EIF2AK4: variants seen among roughly 807,000 people sequenced by gnomAD.
The protein encoded by EIF2AK4 is eukaryotic translation initiation factor 2 alpha kinase 4.
A neutral mutation model predicts 211.1 loss-of-function variants in EIF2AK4; 139 were observed. The ratio of observed to expected loss-of-function variants is 0.66; its 90% CI spans 0.57 to 0.76. The LOEUF is 0.76. Among genes scored for constraint, EIF2AK4 ranks in the 30% least tolerant of loss-of-function variants. EIF2AK4 has a pLI of 0.00. For missense variants in EIF2AK4, 1,664 were observed against 2,043.8 expected (o/e 0.81, Z 3.58); for synonymous variants, 710 against 751.3 (o/e 0.94, Z 0.90).
intron 27 of EIF2AK4, among the ~76,000 whole-genome samples, chr15:40,013,788 C>T (rs1027397075): frequency 6.6e-6 from 1 of 152,214 alleles, no homozygotes; most frequent in Non-Finnish European, 1.5e-5. Flanking sequence ...CCATATCATT[C>T]TACCCATGGC....
chr15:39,972,866 G>C (rs1205195808), intron 9 of EIF2AK4, 42 bp from the exon 10 acceptor site: 1 of 1,523,360 alleles, frequency 6.6e-7, no homozygotes, highest in Admixed American at 1.7e-5. Context: ...GTTTAGCACT[G>C]ATTGTTTGTG....
chr15:39,960,594 G>A (rs1485509797), intron 6 of EIF2AK4, among the ~76,000 whole-genome samples: 2 of 152,162 alleles, frequency 1.3e-5, no homozygotes, highest in African/African-American at 4.8e-5. Context: ...AGGAAGTGCA[G>A]TAATGTGACT....
chr15:39,964,884 C>T (rs2034521767), intron 7 of EIF2AK4, among the ~76,000 whole-genome samples: 2 of 152,188 alleles, frequency 1.3e-5, no homozygotes. Context: ...TTTGTATTTA[C>T]TGAGCATATT....
rs1274446403 is a variant in EIF2AK4 at position 39,973,755 on chromosome 15, G to A, written c.1818+6G>A. Reference sequence around the variant, plus strand: ...CTTTTGGAGCTGTCATCAAGGTGTGGTACAGAGTCATTCCCAGTCCCCTTT... The same window carrying A: ...CTTTTGGAGCTGTCATCAAGGTGTGATACAGAGTCATTCCCAGTCCCCTTT... On this transcript the variant is annotated splice_donor_region_variant and intron_variant, in intron 11 of 38. Coordinates refer to ENST00000263791, the MANE Select transcript of EIF2AK4 (RefSeq NM_001013703.4). The A allele has an allele frequency of 1.2e-6, 2 of 1,613,952 alleles. No homozygotes were observed. Among genetic ancestry groups the A allele is most frequent in the South Asian group, 2.2e-5 (2 of 91,060 alleles).
chr15:40,028,965 C>G (rs1197421412), intron 33 of EIF2AK4, among the ~76,000 whole-genome samples: 2 of 152,218 alleles, frequency 1.3e-5, no homozygotes, highest in Non-Finnish European at 2.9e-5. Context: ...GAAAGAACAT[C>G]CATTCACGGC....
At chr15:40,023,092 C>G (rs2035416223) in intron 32 of EIF2AK4, among the ~76,000 whole-genome samples, 1 of 152,168 alleles carries the variant, frequency 6.6e-6, no homozygotes, top group South Asian at 2.1e-4. Flanking sequence ...TTCATTAAAG[C>G]TTTAAAAAGC....
At chr15:39,947,259 T>G (rs72729460) in intron 3 of EIF2AK4, among the ~76,000 whole-genome samples, 13,430 of 152,270 alleles carry the variant, frequency 0.088, 765 homozygotes, top group Middle Eastern at 0.23. Flanking sequence ...AAATAGAGTA[T>G]AATTAGGTAC....
chr15:40,034,547 G>A (rs1416752626), intron 38 of EIF2AK4, 103 bp downstream of exon 38: 2 of 854,284 alleles, frequency 2.3e-6, no homozygotes, highest in African/African-American at 3.4e-5. Flanking sequence ...TTGACGCCTG[G>A]TAAGCTGTTC....
At chr15:40,002,169 G>T (rs917290655) in intron 21 of EIF2AK4, among the ~76,000 whole-genome samples, 1 of 152,120 alleles carries the variant, frequency 6.6e-6, no homozygotes, top group Non-Finnish European at 1.5e-5. Context: ...ATTATAGAAA[G>T]ATATTTGCAG....
chr15:40,029,533 G>T, intron 34 of EIF2AK4, 69 bp downstream of exon 34: 1 of 1,479,286 alleles, frequency 6.8e-7, no homozygotes, highest in Non-Finnish European at 9.2e-7. Flanking sequence ...TATTACTGTA[G>T]CTAACTGCTT....
At chr15:40,004,908 G>T (rs1046519462) in intron 23 of EIF2AK4, among the ~76,000 whole-genome samples, 2 of 152,026 alleles carry the variant, frequency 1.3e-5, no homozygotes, top group Non-Finnish European at 2.9e-5. Context: ...TGTATAAGAT[G>T]AAAATACAGT....
chr15:39,993,150 GTCCATCCACCCGTCCATCCACCCA>G (rs1402767268), intron 18 of EIF2AK4, among the ~76,000 whole-genome samples: 4 of 131,488 alleles, frequency 3.0e-5, no homozygotes, highest in African/African-American at 1.2e-4. Context: ...CCATCCACCT[GTCCATCCACCCGTCCATCCACCCA>G]TCCATCCACT....
chr15:39,993,242 A>G (rs1416940044), intron 18 of EIF2AK4, among the ~76,000 whole-genome samples: 2 of 152,154 alleles, frequency 1.3e-5, no homozygotes, highest in African/African-American at 2.4e-5. Flanking sequence ...CCATCCATCC[A>G]TCCAAAGAAT....
intron 25 of EIF2AK4, among the ~76,000 whole-genome samples, chr15:40,008,714 G>C (rs948001733): frequency 1.3e-5 from 2 of 152,136 alleles, no homozygotes; most frequent in Non-Finnish European, 2.9e-5. Flanking sequence ...TCCCCAGGAA[G>C]CCTCACTGCA....
Position 40,016,411 on chromosome 15 carries a change from T to G in EIF2AK4, c.3760-91T>G, listed in dbSNP as rs1379454408. 4.1e-6 allele frequency: 6 copies of G among 1,454,498 alleles called. No homozygotes were observed. In the African/African-American group the frequency reaches 5.7e-5, roughly 14 times the overall value. The allele number at this position is 1,454,498 out of a possible 1,614,324, so 90.1% of individuals were successfully genotyped here. ...ACAAAGATAATCGTAGCATCCCATG[T>G]GCTCCTGCTCCTGCAGGTGCACACA... On this transcript the variant is annotated intron_variant, in intron 27 of 38. Coordinates refer to ENST00000263791, the MANE Select transcript of EIF2AK4 (RefSeq NM_001013703.4).
chr15:40,008,307 C>T, intron 25 of EIF2AK4, 112 bp downstream of exon 25: 2 of 955,966 alleles, frequency 2.1e-6, no homozygotes, highest in South Asian at 4.0e-5. Context: ...GCAGATGAAT[C>T]ACATCTTTAC....
At chr15:39,962,601 G>A (rs1460361544) in intron 7 of EIF2AK4, among the ~76,000 whole-genome samples, 1 of 152,140 alleles carries the variant, frequency 6.6e-6, no homozygotes, top group Non-Finnish European at 1.5e-5. Context: ...TAGGACTACA[G>A]TAATGTCTGT....
At chr15:39,991,017 T>G (rs2034936818) in intron 16 of EIF2AK4, 1 of 152,720 alleles carries the variant, frequency 6.5e-6, no homozygotes, top group Non-Finnish European at 1.5e-5. Context: ...GAGGAGTCAC[T>G]GGAAGGTTGG....
intron 9 of EIF2AK4, among the ~76,000 whole-genome samples, chr15:39,970,817 AT>A (rs1214763394): frequency 1.3e-5 from 2 of 152,218 alleles, no homozygotes; most frequent in African/African-American, 4.8e-5. Context: ...TGTTTTAATG[AT>A]ATAATTAAAA....
Sources: allele counts gnomAD v4.1 joint callset (sites outside exome capture counted in the v4.1 genomes callset), GRCh38; gene constraint gnomAD v4.1.1; transcripts MANE v1.5; gene names NCBI Gene and HGNC (gene_info 2026-07-23, HGNC 2026-07-21).